ZNF704: variants seen among roughly 807,000 people sequenced by gnomAD.
ZNF704 encodes zinc finger protein 704.
In ZNF704, 10 loss-of-function variants were observed where a neutral mutation model predicts 44.7. That is an observed-to-expected ratio of 0.22 (90% CI 0.14 to 0.38). The LOEUF is 0.38. Ranked by LOEUF, ZNF704 falls within the 10% of genes least tolerant of loss-of-function variation. The pLI, the probability that ZNF704 is intolerant of heterozygous loss-of-function variation, is 1.00. For synonymous variants in ZNF704, 211 were observed against 207.6 expected (o/e 1.02, Z -0.14); for missense variants, 390 against 545.5 (o/e 0.71, Z 2.84).
In ZNF704 at chr8:80,833,147, G is replaced by T. The variant is rs183969592; in HGVS notation, c.-21-11532C>A. On this transcript the variant is annotated intron_variant, in intron 1 of 8. Transcript: ENST00000327835. ...TGGATCACGAGGTCAAGAGGTCAAG[G>T]CCATCCTGGCTAACATGGTGAAACC... 3.1e-3 allele frequency among the ~76,000 whole-genome samples: 472 copies of T among 152,178 alleles called. 3 individuals are homozygous for T. The highest frequency in any genetic ancestry group is 4.8e-3 in the Non-Finnish European group (328 of 68,000).
chr8:80,841,941 C>T (rs1321250983), intron 1 of ZNF704, among the ~76,000 whole-genome samples: 1 of 152,172 alleles, frequency 6.6e-6, no homozygotes, highest in African/African-American at 2.4e-5. Flanking sequence ...GCACATGCCA[C>T]CACTCCTTGT....
intron 1 of ZNF704, among the ~76,000 whole-genome samples, chr8:80,821,986 TA>T (rs1366670291): frequency 6.6e-6 from 1 of 152,230 alleles, no homozygotes; most frequent in East Asian, 1.9e-4. Flanking sequence ...TTATCATGTT[TA>T]ATAGAAGAGA....
At chr8:80,646,729 T>A (rs1171358653) in intron 7 of ZNF704, among the ~76,000 whole-genome samples, 1 of 152,162 alleles carries the variant, frequency 6.6e-6, no homozygotes, top group African/African-American at 2.4e-5. Flanking sequence ...TTTGGTTTTG[T>A]ACAGGATGAA....
chr8:80,811,500 C>A (rs1239194008), intron 2 of ZNF704, among the ~76,000 whole-genome samples: 1 of 151,976 alleles, frequency 6.6e-6, no homozygotes, highest in East Asian at 1.9e-4. Flanking sequence ...AACTACCATC[C>A]CCATATATAA....
chr8:80,850,879 G>A (rs1808846770), intron 1 of ZNF704, among the ~76,000 whole-genome samples: 1 of 152,212 alleles, frequency 6.6e-6, no homozygotes, highest in Non-Finnish European at 1.5e-5. Context: ...GTGACAAACT[G>A]AGCAGGCTTG....
intron 2 of ZNF704, among the ~76,000 whole-genome samples, chr8:80,731,473 T>C (rs1806580887): frequency 6.6e-6 from 1 of 152,228 alleles, no homozygotes. Flanking sequence ...AAATACACCA[T>C]AACATTAAAA....
intron 2 of ZNF704, among the ~76,000 whole-genome samples, chr8:80,796,195 A>G (rs1327798527): frequency 6.6e-6 from 1 of 152,192 alleles, no homozygotes; most frequent in Non-Finnish European, 1.5e-5. Flanking sequence ...AAGGTTGAAG[A>G]GCCACATCTG....
intron 1 of ZNF704, among the ~76,000 whole-genome samples, chr8:80,860,613 C>T (rs535028026): frequency 6.6e-6 from 1 of 152,308 alleles, no homozygotes; most frequent in South Asian, 2.1e-4. Context: ...ACCCTTTCCA[C>T]AAGGTGGACA....
chr8:80,874,129 A>AGGGCC lies in ZNF704; in HGVS notation c.-22+437_-22+441dup, dbSNP rs1809314430. On this transcript the variant is annotated intron_variant, in intron 1 of 8. Coordinates refer to ENST00000327835, the MANE Select transcript of ZNF704 (RefSeq NM_001033723.3). The surrounding 1 kb of genome is among the most constrained non-coding windows in gnomAD (Gnocchi z 4.4). ...CTCCTCTGCCTCCGCCGGTGGCCGC[A>AGGGCC]GGGCCGGGGACTCGCGGCCGCAAGG... 6.8e-6 allele frequency among the ~76,000 whole-genome samples: 1 copy of AGGGCC among 146,218 alleles called. No individual in the cohort carries two copies. Among genetic ancestry groups the AGGGCC allele is most frequent in the African/African-American group, 2.5e-5 (1 of 40,654 alleles).
At chr8:80,652,406 T>C (rs1208986739) in intron 7 of ZNF704, among the ~76,000 whole-genome samples, 2 of 150,978 alleles carry the variant, frequency 1.3e-5, no homozygotes, top group East Asian at 3.9e-4. Flanking sequence ...ATCAACAAAA[T>C]TGATAGACTG....
In ZNF704 at chr8:80,635,242, G is replaced by A. The variant is rs1485496010; in HGVS notation, c.*6124C>T. ...AGCATTATGAAATGGTTTTGGCAAA[G>A]CTCTGAATTATTTGTACAGTTTTAA... On this transcript the variant is annotated 3_prime_UTR_variant, in exon 9 of 9. Coordinates refer to ENST00000327835, the MANE Select transcript of ZNF704 (RefSeq NM_001033723.3). The A allele has an allele frequency of 2.6e-5, 4 of 152,146 alleles. No homozygotes were observed. The highest frequency in any genetic ancestry group is 5.9e-5 in the Non-Finnish European group (4 of 68,040). The allele number at this position is 152,146 out of a possible 1,614,324, so 9.4% of individuals were successfully genotyped here.
intron 2 of ZNF704, among the ~76,000 whole-genome samples, chr8:80,800,081 T>C (rs1160882223): frequency 2.6e-5 from 4 of 152,140 alleles, no homozygotes; most frequent in African/African-American, 9.7e-5. Context: ...AGCTTGAAGA[T>C]GATCTTTCTG....
intron 2 of ZNF704, among the ~76,000 whole-genome samples, chr8:80,720,557 G>T (rs941197395): frequency 1.3e-5 from 2 of 152,224 alleles, no homozygotes; most frequent in African/African-American, 4.8e-5. Context: ...AACTATCTGG[G>T]TAAGGAAAGG....
chr8:80,777,863 A>G (rs565328245), intron 2 of ZNF704, among the ~76,000 whole-genome samples: 1 of 149,476 alleles, frequency 6.7e-6, no homozygotes, highest in South Asian at 2.1e-4. Context: ...TAGGCGACAG[A>G]GTGAGGCTGC....
At chr8:80,709,442 CAAAAAAAAAAAAAAAAAAA>C (rs780264820) in intron 2 of ZNF704, among the ~76,000 whole-genome samples, 4 of 15,886 alleles carry the variant, frequency 2.5e-4, no homozygotes, top group African/African-American at 3.3e-4. Flanking sequence ...GACTCCATCT[CAAAAAAAAAAAAAAAAAAA>C]AAAAAAAAAA....
At chr8:80,788,585 C>T (rs1288284799) in intron 2 of ZNF704, among the ~76,000 whole-genome samples, 1 of 152,134 alleles carries the variant, frequency 6.6e-6, no homozygotes, top group African/African-American at 2.4e-5. Context: ...TGAATTTCAT[C>T]TTGTGTCTGC....
At chr8:80,676,822 G>T (rs1052992972) in intron 4 of ZNF704, among the ~76,000 whole-genome samples, 1 of 152,194 alleles carries the variant, frequency 6.6e-6, no homozygotes, top group Non-Finnish European at 1.5e-5. Context: ...GCGCAATCTG[G>T]TTCACAATAG....
intron 7 of ZNF704, among the ~76,000 whole-genome samples, chr8:80,650,264 C>T (rs1817895356): frequency 2.0e-5 from 3 of 152,210 alleles, no homozygotes; most frequent in Non-Finnish European, 4.4e-5. Context: ...CTCTCCTCCT[C>T]CAAAGGAACG....
chr8:80,774,642 C>G (rs761930956), intron 2 of ZNF704, among the ~76,000 whole-genome samples: 30 of 152,292 alleles, frequency 2.0e-4, no homozygotes, highest in Middle Eastern at 3.4e-3. Context: ...GAAACCACTC[C>G]AGCAGGAGTA....
Sources: gnomAD v4.1 joint callset for allele counts (sites outside exome capture counted in the v4.1 genomes callset) on GRCh38, gnomAD v4.1.1 for gene constraint, Gnocchi (gnomAD v3.1) non-coding constraint, MANE v1.5 for transcripts, NCBI Gene and HGNC (gene_info 2026-07-23, HGNC 2026-07-21) for gene names.